ARID1B: variants seen among roughly 807,000 people sequenced by gnomAD.
The protein encoded by ARID1B is AT-rich interaction domain 1B.
A neutral mutation model predicts 212.3 loss-of-function variants in ARID1B; 30 were observed. The observed-to-expected ratio is 0.14, with a 90% CI of 0.11 to 0.19. The LOEUF is 0.19. ARID1B is among the 10% of genes least tolerant of loss of function. The pLI, the probability that ARID1B is intolerant of heterozygous loss-of-function variation, is 1.00. For synonymous variants in ARID1B, 1,402 were observed against 1,301.7 expected (o/e 1.08, Z -1.66); for missense variants, 2,891 against 3,204.0 (o/e 0.90, Z 2.36).
intron 3 of ARID1B, among the ~76,000 whole-genome samples, chr6:156,915,200 CT>C: frequency 6.6e-6 from 1 of 152,264 alleles, no homozygotes; most frequent in Non-Finnish European, 1.5e-5. Context: ...TAGCTGGTTC[CT>C]TTGTGCAGTA....
intron 4 of ARID1B, among the ~76,000 whole-genome samples, chr6:156,953,373 C>CTT (rs1793727770): frequency 6.6e-6 from 1 of 152,156 alleles, no homozygotes. Flanking sequence ...TTTTGCAAGT[C>CTT]CCTTGGAACA....
chr6:157,189,472 A>G (rs1793205551), intron 13 of ARID1B, among the ~76,000 whole-genome samples, 170 bp from the exon 14 acceptor site: 1 of 152,258 alleles, frequency 6.6e-6, no homozygotes, highest in Non-Finnish European at 1.5e-5. Flanking sequence ...AACAATAGAA[A>G]AGCAACGAAT....
At chr6:157,109,239 G>C (rs1353895324) in intron 5 of ARID1B, among the ~76,000 whole-genome samples, 1 of 152,100 alleles carries the variant, frequency 6.6e-6, no homozygotes, top group Non-Finnish European at 1.5e-5. Context: ...AATGTGCCCT[G>C]ACCTTCACGG....
At chr6:156,891,127 G>T (rs184206025) in intron 2 of ARID1B, among the ~76,000 whole-genome samples, 6 of 152,232 alleles carry the variant, frequency 3.9e-5, no homozygotes, top group Admixed American at 3.9e-4. Context: ...AAATTTCCTT[G>T]TGCAATTGGT....
At chr6:156,819,412 CAATA>C (rs1179369807) in intron 1 of ARID1B, among the ~76,000 whole-genome samples, 1 of 152,068 alleles carries the variant, frequency 6.6e-6, no homozygotes, top group Non-Finnish European at 1.5e-5. Flanking sequence ...TCAAAATAAA[CAATA>C]TATATAGCCT....
chr6:156,972,080 C>G (rs1168189111), intron 4 of ARID1B, among the ~76,000 whole-genome samples: 1 of 152,048 alleles, frequency 6.6e-6, no homozygotes, highest in African/African-American at 2.4e-5. Context: ...TCATATAGTT[C>G]TGTATTTAAA....
intron 4 of ARID1B, among the ~76,000 whole-genome samples, chr6:157,012,004 A>G (rs1474821135): frequency 2.0e-5 from 3 of 152,240 alleles, no homozygotes. Context: ...CAGTAACACC[A>G]TGGAACTCAG....
rs2128377147 is a variant in ARID1B at position 157,201,451 on chromosome 6, C to T, written c.5226C>T (p.Val1742=). ...PPGSVEASQP[V]LKQRRKITSK... ...GCTCAGTAGAAGCATCACAACCAGT[C>T]TTGAAACAAAGGCGAAAGATTACCT... The change falls in exon 18 of 20, where the codon GTC becomes GTT. Residue 1742 remains valine (V), a synonymous_variant. Transcript: ENST00000636930. This position sits in a 1 kb window ranked among gnomAD's most constrained non-coding sequence, Gnocchi z 5.2. The T allele has an allele frequency of 6.6e-7, 1 of 1,516,412 alleles. No homozygotes were observed. Among genetic ancestry groups the T allele is most frequent in the South Asian group, 1.3e-5 (1 of 75,896 alleles). 93.9% of individuals were successfully genotyped at this position (1,516,412 alleles called of 1,614,324 possible). A position where few individuals can be genotyped will look rare whatever the true frequency, so the allele number is the denominator to read the frequency against.
intron 2 of ARID1B, among the ~76,000 whole-genome samples, chr6:156,893,154 T>G (rs1788095999): frequency 6.6e-6 from 1 of 151,480 alleles, no homozygotes; most frequent in Non-Finnish European, 1.5e-5. Context: ...GTGATTCTCC[T>G]GCCTTAGCCT....
chr6:156,800,654 T>G (rs1277069470), intron 1 of ARID1B, among the ~76,000 whole-genome samples: 4 of 152,006 alleles, frequency 2.6e-5, no homozygotes. Flanking sequence ...TACCTGTAAT[T>G]CCAGCATTTT....
At chr6:157,183,506 C>A (rs1248982746) in intron 12 of ARID1B, among the ~76,000 whole-genome samples, 1 of 152,246 alleles carries the variant, frequency 6.6e-6, no homozygotes, top group Non-Finnish European at 1.5e-5. Context: ...AACCGTTTAA[C>A]CTTTCATAAC....
At chr6:156,853,009 G>T (rs1400342133) in intron 2 of ARID1B, among the ~76,000 whole-genome samples, 1 of 152,210 alleles carries the variant, frequency 6.6e-6, no homozygotes, top group Non-Finnish European at 1.5e-5. Flanking sequence ...GAAGCTTTGT[G>T]CTTCCTTAAG....
chr6:156,846,226 C>T (rs189823479), intron 2 of ARID1B, among the ~76,000 whole-genome samples: 65 of 152,238 alleles, frequency 4.3e-4, no homozygotes, highest in African/African-American at 1.5e-3. Context: ...ACAATCTCCG[C>T]TCACTGCAAC....
At chr6:156,785,024 T>G (rs1192368255) in intron 1 of ARID1B, among the ~76,000 whole-genome samples, 1 of 152,166 alleles carries the variant, frequency 6.6e-6, no homozygotes, top group Non-Finnish European at 1.5e-5. Context: ...CCTCCCAAAG[T>G]GCTGGGATTA....
intron 13 of ARID1B, among the ~76,000 whole-genome samples, chr6:157,188,144 C>T (rs1329960337): frequency 2.0e-5 from 3 of 152,042 alleles, no homozygotes; most frequent in Admixed American, 2.0e-4. Flanking sequence ...ACCCCCATGA[C>T]ATGCGTTTAC....
intron 4 of ARID1B, among the ~76,000 whole-genome samples, chr6:156,987,497 A>T (rs1040780110): frequency 4.6e-5 from 7 of 151,998 alleles, no homozygotes; most frequent in African/African-American, 1.4e-4. Context: ...CACCCGGCTA[A>T]TTTTTTATAT....
At chr6:157,026,028 G>A (rs1011692360) in intron 4 of ARID1B, among the ~76,000 whole-genome samples, 18 of 152,080 alleles carry the variant, frequency 1.2e-4, no homozygotes, top group Admixed American at 4.6e-4. Context: ...GAGTTCAAGA[G>A]ATTGTCCTGC....
chr6:156,901,608 T>G, intron 3 of ARID1B, 83 bp downstream of exon 3: 2 of 1,466,012 alleles, frequency 1.4e-6, no homozygotes, highest in Non-Finnish European at 1.8e-6. Flanking sequence ...TGTCCTTTAT[T>G]AAAAATTATG....
chr6:156,915,287 C>A (rs1790255461), intron 3 of ARID1B, among the ~76,000 whole-genome samples: 1 of 152,184 alleles, frequency 6.6e-6, no homozygotes, highest in Non-Finnish European at 1.5e-5. Flanking sequence ...ACATTTTAGG[C>A]CAGGCGCAGT....
Sources: allele counts gnomAD v4.1 joint callset (sites outside exome capture counted in the v4.1 genomes callset), GRCh38; gene constraint gnomAD v4.1.1; non-coding constraint Gnocchi (gnomAD v3.1); transcripts MANE v1.5; gene names NCBI Gene and HGNC (gene_info 2026-07-23, HGNC 2026-07-21).